RABEP1: variants seen among roughly 807,000 people sequenced by gnomAD.
RABEP1 encodes rabaptin, RAB GTPase binding effector protein 1.
In RABEP1, 51 loss-of-function variants were observed where a neutral mutation model predicts 123.4. The observed-to-expected ratio is 0.41, with a 90% CI of 0.33 to 0.52. The LOEUF is 0.52. Ranked by LOEUF, RABEP1 falls within the 20% of genes least tolerant of loss-of-function variation. The probability of loss-of-function intolerance (pLI) is 0.16; values close to 1 mark genes in which losing one functional copy is unlikely to be tolerated. For missense variants in RABEP1, 888 were observed against 996.3 expected (o/e 0.89, Z 1.46); for synonymous variants, 347 against 355.2 (o/e 0.98, Z 0.26).
At position 5,383,183 on chromosome 17, in the gene RABEP1, A is replaced by T; in HGVS notation, c.2549A>T (p.Asp850Val). 1 of 1,614,148 alleles carries T rather than the reference A, an allele frequency of 6.2e-7. No individual in the cohort carries two copies. The highest frequency in any genetic ancestry group is 8.5e-7 in the Non-Finnish European group (1 of 1,180,024). Residue 850 changes from aspartate to valine, a missense_variant, in exon 18 of 18, where the codon GAT becomes GTT. By Grantham distance (152) the Asp-to-Val change is radical. Transcript: ENST00000537505. Reference sequence around the variant, plus strand: ...GAGAGAATCCGGGCAATTCTGAATGATACTAAACTGACAGACATTAACCAG... The same window carrying T: ...GAGAGAATCCGGGCAATTCTGAATGTTACTAAACTGACAGACATTAACCAG... ...SLERIRAILNDTKLTDINQLP... is the reference protein window; with the variant it reads ...SLERIRAILNVTKLTDINQLP...
chr17:5,288,282 G>T (rs1287406379), intron 1 of RABEP1, among the ~76,000 whole-genome samples: 1 of 152,178 alleles, frequency 6.6e-6, no homozygotes, highest in Non-Finnish European at 1.5e-5. Flanking sequence ...AGGTCACTGT[G>T]CCTGGGTAGA....
intron 3 of RABEP1, among the ~76,000 whole-genome samples, chr17:5,332,670 G>GCTCACTGTA (rs1906672190): frequency 7.1e-6 from 1 of 141,640 alleles, no homozygotes; most frequent in Non-Finnish European, 1.5e-5. Flanking sequence ...CGCAGTCTCA[G>GCTCACTGTA]CTCACTGTAC....
At chr17:5,337,045 C>T (rs1361444569) in intron 4 of RABEP1, among the ~76,000 whole-genome samples, 1 of 152,174 alleles carries the variant, frequency 6.6e-6, no homozygotes, top group Non-Finnish European at 1.5e-5. Context: ...CTTTGTTTCT[C>T]TGCGTGTAAG....
intron 5 of RABEP1, among the ~76,000 whole-genome samples, chr17:5,345,814 TA>T (rs1162358346): frequency 1.3e-5 from 2 of 152,092 alleles, no homozygotes; most frequent in African/African-American, 4.8e-5. Flanking sequence ...AATAGGAAGA[TA>T]AAAGGCATGA....
chr17:5,305,984 A>G (rs1046437745), intron 1 of RABEP1, among the ~76,000 whole-genome samples: 4 of 152,218 alleles, frequency 2.6e-5, no homozygotes, highest in Non-Finnish European at 4.4e-5. Context: ...TCTTTCGGCA[A>G]TGATTGCACT....
At chr17:5,316,651 G>C (rs1175306008) in intron 2 of RABEP1, among the ~76,000 whole-genome samples, 1 of 150,972 alleles carries the variant, frequency 6.6e-6, no homozygotes, top group Non-Finnish European at 1.5e-5. Context: ...TGGCCATCGT[G>C]GTGAAACCCC....
chr17:5,356,728 GCA>G (rs1254006170), intron 8 of RABEP1, among the ~76,000 whole-genome samples: 1 of 149,322 alleles, frequency 6.7e-6, no homozygotes, highest in Non-Finnish European at 1.5e-5. Context: ...TTGGCTCACT[GCA>G]GCCTTGACCT....
chr17:5,338,203 T>C lies in RABEP1; in HGVS notation c.648+65T>C, dbSNP rs370530019. 4.0e-3 allele frequency: 6,017 copies of C among 1,494,454 alleles called. 298 individuals carry two copies. In the South Asian group the frequency reaches 0.073, roughly 18 times the overall value. 92.6% of individuals were successfully genotyped at this position (1,494,454 alleles called of 1,614,324 possible). A position where few individuals can be genotyped will look rare whatever the true frequency, so the allele number is the denominator to read the frequency against. Reference sequence around the variant, plus strand: ...TTCTGCCCCAATGCCATGAACAAAATTAGAATCAGTAATAGGGAAAAAAAC... The same window carrying C: ...TTCTGCCCCAATGCCATGAACAAAACTAGAATCAGTAATAGGGAAAAAAAC... On this transcript the variant is annotated intron_variant, in intron 5 of 17. Transcript: ENST00000537505.
At position 5,361,589 on chromosome 17, in the gene RABEP1, G is replaced by C. The variant is rs558415422; in HGVS notation, c.1477G>C (p.Val493Leu). ...QEETASLLSS[V>L]TQGMESAYVS... ...AGAGACAGCGTCCCTCCTCTCCAGC[G>C]TTACCCAGGGCATGGAGAGTGCCTA... Residue 493 changes from valine to leucine, a missense_variant, in exon 9 of 18, where the codon GTT becomes CTT. Val to Leu is a conservative substitution (Grantham distance 32, BLOSUM62 1). Transcript: ENST00000537505. 2.5e-6 allele frequency: 4 copies of C among 1,614,144 alleles called. No homozygotes were observed. The East Asian group carries it at 8.9e-5, about 36-fold the overall frequency.
intron 2 of RABEP1, among the ~76,000 whole-genome samples, chr17:5,311,441 A>G (rs147378939): frequency 1.2e-4 from 19 of 152,204 alleles, no homozygotes; most frequent in Middle Eastern, 3.4e-3. Flanking sequence ...TGACACCTGT[A>G]ATCCCAGCAT....
At chr17:5,304,302 G>A (rs1223977283) in intron 1 of RABEP1, among the ~76,000 whole-genome samples, 1 of 151,942 alleles carries the variant, frequency 6.6e-6, no homozygotes, top group Non-Finnish European at 1.5e-5. Flanking sequence ...TTGCATGGCT[G>A]GATGTGGTGG....
At chr17:5,299,472 G>T (rs1473656899) in intron 1 of RABEP1, among the ~76,000 whole-genome samples, 2 of 149,118 alleles carry the variant, frequency 1.3e-5, no homozygotes, top group African/African-American at 2.5e-5. Context: ...ATCTTTTATT[G>T]AGGACTTAGT....
chr17:5,342,247 A>G (rs2144626381), intron 5 of RABEP1, among the ~76,000 whole-genome samples: 1 of 152,282 alleles, frequency 6.6e-6, no homozygotes, highest in African/African-American at 2.4e-5. Flanking sequence ...AAAAAGAAAA[A>G]CTAGTTAGCT....
rs191535815 is a variant in RABEP1, at chr17:5,349,626, T to G, written c.785-825T>G. ...TTTATCAGAATGTATTAAACACAAT[T>G]AGGAGTGTTTATTCCACCTTTGGCC... On this transcript the variant is annotated intron_variant, in intron 6 of 17. Transcript: ENST00000537505. Among the ~76,000 whole-genome samples, 296 of 152,268 alleles carry G rather than the reference T, an allele frequency of 1.9e-3. 2 individuals carry two copies. Among genetic ancestry groups the G allele is most frequent in the Admixed American group, 3.7e-3 (57 of 15,292 alleles).
intron 11 of RABEP1, among the ~76,000 whole-genome samples, chr17:5,367,442 TTTA>T (rs1176624334): frequency 1.3e-5 from 2 of 151,894 alleles, no homozygotes; most frequent in Non-Finnish European, 2.9e-5. Flanking sequence ...CGGCTAATTT[TTTA>T]TTTTTAGTAG....
At chr17:5,329,346 A>G (rs957275319) in intron 2 of RABEP1, among the ~76,000 whole-genome samples, 3 of 152,158 alleles carry the variant, frequency 2.0e-5, no homozygotes, top group Admixed American at 2.0e-4. Flanking sequence ...CCTGGCCAAC[A>G]AGGCGAAACC....
At chr17:5,360,484 C>T (rs1006246743) in intron 8 of RABEP1, among the ~76,000 whole-genome samples, 2 of 152,254 alleles carry the variant, frequency 1.3e-5, no homozygotes, top group African/African-American at 4.8e-5. Context: ...ATGGCGTGAG[C>T]CCGGGAGGCG....
intron 1 of RABEP1, among the ~76,000 whole-genome samples, chr17:5,305,217 T>G (rs79765019): frequency 6.6e-6 from 1 of 152,112 alleles, no homozygotes; most frequent in Middle Eastern, 3.2e-3. Flanking sequence ...CAGTTTTTTT[T>G]GTCTTTCTAT....
intron 2 of RABEP1, among the ~76,000 whole-genome samples, chr17:5,326,183 T>G (rs1299945717): frequency 6.6e-6 from 1 of 152,208 alleles, no homozygotes; most frequent in East Asian, 1.9e-4. Flanking sequence ...GTCCCAAAAC[T>G]TGCACAAATA....
Sources: gnomAD v4.1 joint callset for allele counts (sites outside exome capture counted in the v4.1 genomes callset) on GRCh38, gnomAD v4.1.1 for gene constraint, MANE v1.5 for transcripts, NCBI Gene and HGNC (gene_info 2026-07-23, HGNC 2026-07-21) for gene names.